The following SLC15A4 variants were observed in gnomAD, a reference collection of about 807,000 sequenced individuals.
The protein encoded by SLC15A4 is hPHT1.
In SLC15A4, 26 loss-of-function variants were observed where a neutral mutation model predicts 46.1. The observed-to-expected ratio is 0.56, with a 90% CI of 0.41 to 0.78. The LOEUF is 0.78. Ranked by LOEUF, SLC15A4 falls within the 30% of genes least tolerant of loss-of-function variation. SLC15A4 has a pLI of 0.00. For missense variants in SLC15A4, 751 were observed against 755.7 expected, an observed-to-expected ratio of 0.99 and a Z score of 0.07; for synonymous variants, 370 against 333.4, an observed-to-expected ratio of 1.11 and a Z score of -1.20.
intron 2 of SLC15A4, chr12:128,810,320 C>T: frequency 5.7e-6 from 3 of 527,048 alleles, no homozygotes; most frequent in Non-Finnish European, 1.0e-5. Context: ...GACAAAGGGA[C>T]TTTCTAGTCA....
intron 6 of SLC15A4, 196 bp downstream of exon 6, chr12:128,800,658 T>A (rs1244745711): frequency 1.9e-6 from 1 of 514,250 alleles, no homozygotes; most frequent in African/African-American, 1.9e-5. Flanking sequence ...TTTGCGATAC[T>A]GTTTTTACAC....
chr12:128,794,273 T>G lies in SLC15A4; in HGVS notation c.1657A>C (p.Ile553Leu). The G allele has an allele frequency of 6.2e-7, 1 of 1,613,802 alleles. No homozygotes were observed. The highest frequency in any genetic ancestry group is 8.5e-7 in the Non-Finnish European group (1 of 1,179,868). Reference sequence around the variant, plus strand: ...CGATGATGGTCATATTTCACAGAAATAATGAGGAAAAGCAGGAGGGTAGCT... The same window carrying G: ...CGATGATGGTCATATTTCACAGAAAGAATGAGGAAAAGCAGGAGGGTAGCT... ...QGATLLLFLI[I>L]SVKYDHHRDH... The change falls in exon 8 of 8, where the codon ATT (isoleucine) becomes CTT (leucine). Residue 553 changes from isoleucine (I) to leucine (L), a missense_variant. Physicochemically the swap from Ile to Leu is conservative, Grantham distance 5 (BLOSUM62 2). Transcript: ENST00000266771.
At position 128,796,447 on chromosome 12, in the gene SLC15A4, AAAAAAAAAAAAC is replaced by A. The variant is rs1370302329; in HGVS notation, c.1574-2103_1574-2092del. Among the ~76,000 whole-genome samples, 683 of 146,568 alleles carry A rather than the reference AAAAAAAAAAAAC, an allele frequency of 4.7e-3. 14 individuals carry two copies. The highest frequency in any genetic ancestry group is 0.015 in the African/African-American group (597 of 40,236). ...TCCATCTCAAAAAAAAAAAAAAAAA[AAAAAAAAAAAAC>A]CCACACATCTGTATGGTGAGATCTC... On this transcript the variant is annotated intron_variant, in intron 7 of 7. Coordinates refer to ENST00000266771, the MANE Select transcript of SLC15A4 (RefSeq NM_145648.4).
intron 5 of SLC15A4, among the ~76,000 whole-genome samples, chr12:128,805,530 T>A (rs1287960771): frequency 6.6e-6 from 1 of 152,092 alleles, no homozygotes; most frequent in African/African-American, 2.4e-5. Context: ...AATAAAATTA[T>A]AGGAAATTTT....
intron 2 of SLC15A4, among the ~76,000 whole-genome samples, chr12:128,811,118 G>C (rs897876205): frequency 6.6e-6 from 1 of 152,166 alleles, no homozygotes. Flanking sequence ...CTCTCTCCCA[G>C]CTCCAAAACA....
chr12:128,801,027 G>A lies in SLC15A4; in HGVS notation c.1259-18C>T, dbSNP rs569814906. The A allele has an allele frequency of 6.3e-7, 1 of 1,584,842 alleles. No homozygotes were observed. Among genetic ancestry groups the A allele is most frequent in the Non-Finnish European group, 8.6e-7 (1 of 1,165,306 alleles). On this transcript the variant is annotated intron_variant, in intron 5 of 7. Coordinates refer to ENST00000266771, the MANE Select transcript of SLC15A4 (RefSeq NM_145648.4). ...CAAAATTCCTAGAATTCAAAAGTAG[G>A]TTAGTGTAATATTCATTTATTAACA... is the stretch of plus-strand genomic sequence containing the variant.
intron 7 of SLC15A4, among the ~76,000 whole-genome samples, chr12:128,794,614 T>C (rs1011624008): frequency 6.6e-6 from 1 of 152,112 alleles, no homozygotes; most frequent in Admixed American, 6.5e-5. Context: ...TAGCAGCCCA[T>C]CCCTCTCTTC....
Position 128,793,491 on chromosome 12 carries a change from T to C in SLC15A4, c.*705A>G, listed in dbSNP as rs1054196371. 2 of 152,242 alleles carry C rather than the reference T, an allele frequency of 1.3e-5. No homozygotes were observed. The highest frequency in any genetic ancestry group is 2.9e-5 in the Non-Finnish European group (2 of 68,044). The allele number at this position is 152,242 out of a possible 1,614,324, so 9.4% of individuals were successfully genotyped here. ...ACTAGGTAAGGTGTGAAGTACCCCGTGAGTTGCTCTGTGGCTTGAGATGGG... is the reference window on the plus strand; with the variant it reads ...ACTAGGTAAGGTGTGAAGTACCCCGCGAGTTGCTCTGTGGCTTGAGATGGG... On this transcript the variant is annotated 3_prime_UTR_variant, in exon 8 of 8. Coordinates refer to ENST00000266771, the MANE Select transcript of SLC15A4 (RefSeq NM_145648.4).
At chr12:128,814,102 TG>T (rs1955704256) in intron 2 of SLC15A4, 1 of 156,874 alleles carries the variant, frequency 6.4e-6, no homozygotes, top group Non-Finnish European at 1.4e-5. Flanking sequence ...GTGCTAACAC[TG>T]GGTAAGTCCC....
intron 1 of SLC15A4, among the ~76,000 whole-genome samples, chr12:128,818,232 C>T (rs1382246850): frequency 1.3e-5 from 2 of 152,068 alleles, no homozygotes; most frequent in East Asian, 1.9e-4. Context: ...ATGATTTACA[C>T]GAACATACGT....
chr12:128,794,617 C>G (rs1021514166), intron 7 of SLC15A4, among the ~76,000 whole-genome samples: 2 of 152,226 alleles, frequency 1.3e-5, no homozygotes, highest in African/African-American at 4.8e-5. Flanking sequence ...CAGCCCATCC[C>G]TCTCTTCTGT....
At chr12:128,806,952 G>A (rs1465958352) in intron 5 of SLC15A4, among the ~76,000 whole-genome samples, 2 of 136,914 alleles carry the variant, frequency 1.5e-5, no homozygotes, top group African/African-American at 2.8e-5. Context: ...TCACCAGGCT[G>A]GAGTGCAGTG....
At chr12:128,818,086 A>G (rs1593016912) in intron 1 of SLC15A4, among the ~76,000 whole-genome samples, 1 of 152,156 alleles carries the variant, frequency 6.6e-6, no homozygotes, top group Admixed American at 6.5e-5. Context: ...TAGAAAAAAA[A>G]AAAATGCATC....
chr12:128,796,447 A>C (rs1353864788), intron 7 of SLC15A4, among the ~76,000 whole-genome samples: 3 of 146,486 alleles, frequency 2.0e-5, no homozygotes, highest in African/African-American at 5.0e-5. Flanking sequence ...AAAAAAAAAA[A>C]AAAAAAAAAA....
chr12:128,799,365 C>A lies in SLC15A4; in HGVS notation c.1467G>T (p.Met489Ile). 6.2e-7 allele frequency: 1 copy of A among 1,614,172 alleles called. No homozygotes were observed. The highest frequency in any genetic ancestry group is 8.5e-7 in the Non-Finnish European group (1 of 1,180,046). The change falls in exon 7 of 8, where the codon ATG (methionine) becomes ATT (isoleucine). Residue 489 changes from methionine (M) to isoleucine (I), a missense_variant. Transcript: ENST00000266771. ...CGCCAGAGAAGAAAAAGAACAAGCC[C>A]ATTATGGCACTCTGCATGGACTTGG... ...AAPKSMQSAI[M>I]GLFFFFSGVG...
At chr12:128,803,768 C>T (rs1261271538) in intron 5 of SLC15A4, among the ~76,000 whole-genome samples, 1 of 152,122 alleles carries the variant, frequency 6.6e-6, no homozygotes, top group East Asian at 1.9e-4. Context: ...AAATAGAAAG[C>T]GAGGCCCCAG....
intron 2 of SLC15A4, 26 bp downstream of exon 2, chr12:128,814,749 G>C: frequency 6.2e-7 from 1 of 1,606,904 alleles, no homozygotes; most frequent in Non-Finnish European, 8.5e-7. Context: ...CTTTCAAACA[G>C]CCCAAGATGA....
At chr12:128,809,560 C>T in intron 3 of SLC15A4, 87 bp from the exon 4 acceptor site, 1 of 769,438 alleles carries the variant, frequency 1.3e-6, no homozygotes, top group Non-Finnish European at 2.2e-6. Context: ...AAGCTAGACT[C>T]AGATGCGACA....
intron 2 of SLC15A4, among the ~76,000 whole-genome samples, chr12:128,810,899 C>A (rs1178952625): frequency 1.3e-5 from 2 of 152,204 alleles, no homozygotes; most frequent in Non-Finnish European, 2.9e-5. Context: ...AGGACTTGGA[C>A]CCAGGCAGTC....
Sources: gnomAD v4.1 joint callset for allele counts (sites outside exome capture counted in the v4.1 genomes callset) on GRCh38, gnomAD v4.1.1 for gene constraint, MANE v1.5 for transcripts, NCBI Gene and HGNC (gene_info 2026-07-23, HGNC 2026-07-21) for gene names.